The following GKAP1 variants were observed in gnomAD, a reference collection of about 807,000 sequenced individuals.
The protein encoded by GKAP1 is G kinase-anchoring protein 1.
GKAP1 carries 31 observed loss-of-function variants against 56.7 expected under a neutral mutation model. That is an observed-to-expected ratio of 0.55 (90% CI 0.41 to 0.74). The LOEUF (loss-of-function observed/expected upper bound fraction) is 0.74, where lower values mean the gene tolerates loss of function less well. Ranked by LOEUF, GKAP1 falls within the 30% of genes least tolerant of loss-of-function variation. The probability of loss-of-function intolerance (pLI) is 0.00; values close to 1 mark genes in which losing one functional copy is unlikely to be tolerated. For synonymous variants in GKAP1, 151 were observed against 138.6 expected, an observed-to-expected ratio of 1.09 and a Z score of -0.63; for missense variants, 364 against 402.3, an observed-to-expected ratio of 0.90 and a Z score of 0.82.
chr9:83,796,053 C>T (rs1363241564), intron 4 of GKAP1, among the ~76,000 whole-genome samples: 3 of 152,056 alleles, frequency 2.0e-5, no homozygotes, highest in East Asian at 1.9e-4. Context: ...ATTCTTAAAA[C>T]GCTTAAATTT....
At position 83,811,285 on chromosome 9, in the gene GKAP1, A is replaced by G. The variant is rs372920787; in HGVS notation, c.-43-4725T>C. On this transcript the variant is annotated intron_variant, in intron 2 of 12. Transcript: ENST00000376371. ...CTAAGGCTTTAATCTTTGAAATAAA[A>G]AAGTTTTTAGGCATTGAGTAGTAGG... 2.2e-4 allele frequency among the ~76,000 whole-genome samples: 33 copies of G among 152,330 alleles called. 1 individual carries two copies. In the East Asian group the frequency reaches 2.7e-3, roughly 12 times the overall value.
At chr9:83,740,558 A>G (rs1943190163) in intron 12 of GKAP1, among the ~76,000 whole-genome samples, 1 of 152,142 alleles carries the variant, frequency 6.6e-6, no homozygotes, top group Non-Finnish European at 1.5e-5. Flanking sequence ...AGTTTTTCCC[A>G]TTTTTATAAA....
intron 2 of GKAP1, among the ~76,000 whole-genome samples, chr9:83,809,778 T>G (rs1034427799): frequency 6.6e-6 from 1 of 152,236 alleles, no homozygotes; most frequent in African/African-American, 2.4e-5. Flanking sequence ...AAAGGTCAAT[T>G]GAATTTGAAA....
intron 10 of GKAP1, among the ~76,000 whole-genome samples, chr9:83,747,285 C>T (rs1057114237): frequency 6.6e-6 from 1 of 152,132 alleles, no homozygotes; most frequent in East Asian, 1.9e-4. Flanking sequence ...ATCAGCTTTA[C>T]TAATCTTATC....
At chr9:83,792,474 G>A (rs866688041) in intron 4 of GKAP1, among the ~76,000 whole-genome samples, 57 of 152,106 alleles carry the variant, frequency 3.7e-4, no homozygotes, top group African/African-American at 1.2e-3. Flanking sequence ...CAGCATATGG[G>A]CACCTGGACC....
At chr9:83,746,209 C>T (rs1943290821) in intron 10 of GKAP1, among the ~76,000 whole-genome samples, 1 of 152,312 alleles carries the variant, frequency 6.6e-6, no homozygotes, top group East Asian at 1.9e-4. Flanking sequence ...CTGATTTTTA[C>T]TCATTGTTTG....
intron 9 of GKAP1, among the ~76,000 whole-genome samples, chr9:83,751,622 A>AT (rs796120477): frequency 2.6e-5 from 4 of 151,986 alleles, no homozygotes; most frequent in East Asian, 3.8e-4. Flanking sequence ...AACTTGATTT[A>AT]TTTTTTTTCA....
At chr9:83,814,818 T>C (rs914570626) in intron 2 of GKAP1, among the ~76,000 whole-genome samples, 6 of 152,256 alleles carry the variant, frequency 3.9e-5, no homozygotes, top group Non-Finnish European at 7.3e-5. Context: ...CGGTAAGTAC[T>C]ATTCTAACAA....
Position 83,791,462 on chromosome 9 carries a change from A to G in GKAP1, c.361-2784T>C, listed in dbSNP as rs112062771. 1.4e-4 allele frequency among the ~76,000 whole-genome samples: 22 copies of G among 152,318 alleles called. 1 individual carries two copies. Among genetic ancestry groups the G allele is most frequent in the African/African-American group, 5.3e-4 (22 of 41,584 alleles). ...TAAAGTAAAAACATATGGCCCTCCCAGCAACTGATTCTAATTGTAGCTCAG... is the reference window on the plus strand; with the variant it reads ...TAAAGTAAAAACATATGGCCCTCCCGGCAACTGATTCTAATTGTAGCTCAG... On this transcript the variant is annotated intron_variant, in intron 4 of 12. Transcript: ENST00000376371.
At chr9:83,782,767 A>G (rs10868064) in intron 6 of GKAP1, among the ~76,000 whole-genome samples, 77,552 of 149,638 alleles carry the variant, frequency 0.52, 21,490 homozygotes, top group Admixed American at 0.68. Context: ...CCCCGGTTCA[A>G]TAGATTCTCC....
intron 10 of GKAP1, among the ~76,000 whole-genome samples, chr9:83,748,006 G>A (rs1328567127): frequency 6.6e-6 from 1 of 151,810 alleles, no homozygotes; most frequent in East Asian, 1.9e-4. Flanking sequence ...TTTTTTATTG[G>A]CACATAATAA....
At chr9:83,815,158 G>A (rs777306209) in intron 2 of GKAP1, among the ~76,000 whole-genome samples, 5 of 152,064 alleles carry the variant, frequency 3.3e-5, no homozygotes, top group African/African-American at 4.8e-5. Context: ...GCAACAGAGC[G>A]AGAGACTGTC....
chr9:83,758,958 C>CT (rs1486237705), intron 8 of GKAP1, among the ~76,000 whole-genome samples: 1 of 152,082 alleles, frequency 6.6e-6, no homozygotes, highest in Non-Finnish European at 1.5e-5. Flanking sequence ...CATGAATCCT[C>CT]TTTTCTCTCC....
chr9:83,804,838 A>G (rs1182206164), intron 3 of GKAP1, among the ~76,000 whole-genome samples: 3 of 52,884 alleles, frequency 5.7e-5, no homozygotes, highest in Non-Finnish European at 1.0e-4. Flanking sequence ...CCCGTCCGGG[A>G]GGGAGGTGGG....
At chr9:83,755,329 A>G (rs190615435) in intron 8 of GKAP1, among the ~76,000 whole-genome samples, 1 of 152,316 alleles carries the variant, frequency 6.6e-6, no homozygotes, top group East Asian at 1.9e-4. Flanking sequence ...GCTATAAAAT[A>G]ATATTTGCAT....
At chr9:83,787,168 T>C (rs779577960) in intron 5 of GKAP1, among the ~76,000 whole-genome samples, 1 of 152,230 alleles carries the variant, frequency 6.6e-6, no homozygotes, top group African/African-American at 2.4e-5. Flanking sequence ...ATATAATATA[T>C]ACAGCCCACT....
intron 10 of GKAP1, among the ~76,000 whole-genome samples, chr9:83,744,473 C>T (rs1943257934): frequency 6.6e-6 from 1 of 152,148 alleles, no homozygotes; most frequent in Admixed American, 6.5e-5. Flanking sequence ...AAGCTATAAC[C>T]CTTCTGAGAC....
chr9:83,794,682 G>A (rs574395021), intron 4 of GKAP1, among the ~76,000 whole-genome samples: 1 of 152,170 alleles, frequency 6.6e-6, no homozygotes, highest in South Asian at 2.1e-4. Flanking sequence ...CTTAAGAAGA[G>A]ATTTTTCTAC....
At chr9:83,752,484 C>T (rs1458114646) in intron 9 of GKAP1, among the ~76,000 whole-genome samples, 3 of 152,086 alleles carry the variant, frequency 2.0e-5, no homozygotes, top group African/African-American at 4.8e-5. Flanking sequence ...AGGATAAACA[C>T]TGTATGATTC....
Sources: gnomAD v4.1 joint callset for allele counts (sites outside exome capture counted in the v4.1 genomes callset) on GRCh38, gnomAD v4.1.1 for gene constraint, MANE v1.5 for transcripts, NCBI Gene and HGNC (gene_info 2026-07-23, HGNC 2026-07-21) for gene names.